Variants in HK1 observed in about 807,000 individuals in gnomAD.
The protein encoded by HK1 is hexokinase-1.
In HK1, 28 loss-of-function variants were observed where a neutral mutation model predicts 91.6. The ratio of observed to expected loss-of-function variants is 0.31; its 90% confidence interval spans 0.23 to 0.42. The LOEUF is 0.42. Ranked by LOEUF, HK1 falls within the 10% of genes least tolerant of loss-of-function variation. The pLI is 1.00. For synonymous variants in HK1, 430 were observed against 468.1 expected (o/e 0.92, Z 1.05); for missense variants, 770 against 1,219.8 (o/e 0.63, Z 5.49).
At chr10:69,299,834 G>A (rs1845764221) in intron 4 of HK1, among the ~76,000 whole-genome samples, 1 of 151,068 alleles carries the variant, frequency 6.6e-6, no homozygotes, top group South Asian at 2.1e-4. Context: ...GTAATTTTTT[G>A]TACTTTTGGT....
chr10:69,325,654 C>T (rs980179223), intron 1 of HK1, among the ~76,000 whole-genome samples: 1 of 151,578 alleles, frequency 6.6e-6, no homozygotes. Context: ...GTGCCCCCCC[C>T]TGCCCCCCAG....
chr10:69,302,805 G>A (rs1362287334), intron 5 of HK1, among the ~76,000 whole-genome samples: 1 of 150,768 alleles, frequency 6.6e-6, no homozygotes, highest in Non-Finnish European at 1.5e-5. Context: ...TGCTTTGTTT[G>A]TTTGTTCTGA....
At chr10:69,301,541 TC>T (rs953452667) in intron 5 of HK1, among the ~76,000 whole-genome samples, 35 of 129,952 alleles carry the variant, frequency 2.7e-4, no homozygotes, top group African/African-American at 1.1e-3. Flanking sequence ...ACCAGTGTAC[TC>T]TAGCCTGGGT....
chr10:69,378,749 C>T (rs1225895736), intron 8 of HK1, among the ~76,000 whole-genome samples: 1 of 152,136 alleles, frequency 6.6e-6, no homozygotes, highest in Non-Finnish European at 1.5e-5. Flanking sequence ...TTTAAAATCT[C>T]TTCTCCCATC....
chr10:69,286,779 C>T (rs1282242293), intron 2 of HK1, among the ~76,000 whole-genome samples: 5 of 152,032 alleles, frequency 3.3e-5, no homozygotes, highest in Non-Finnish European at 7.4e-5. Context: ...AACTCCTGAC[C>T]TCAGGTGATC....
chr10:69,334,867 G>A (rs972266554), intron 1 of HK1, among the ~76,000 whole-genome samples: 19 of 152,224 alleles, frequency 1.2e-4, no homozygotes, highest in African/African-American at 2.4e-5. Flanking sequence ...AGGGGATGCT[G>A]AGGAGAGGAG....
At chr10:69,338,963 G>A (rs1413441901) in intron 1 of HK1, among the ~76,000 whole-genome samples, 1 of 152,130 alleles carries the variant, frequency 6.6e-6, no homozygotes. Flanking sequence ...CTGGGCAGGA[G>A]AGATTTCTCC....
chr10:69,377,169 A>G, intron 8 of HK1, 80 bp downstream of exon 8: 4 of 1,538,592 alleles, frequency 2.6e-6, no homozygotes, highest in Admixed American at 3.4e-5. Flanking sequence ...TCTTGAGTCC[A>G]AGTTTGGTGG....
At chr10:69,346,015 C>T (rs61549103) in intron 2 of HK1, among the ~76,000 whole-genome samples, 6,768 of 152,174 alleles carry the variant, frequency 0.044, 513 homozygotes, top group African/African-American at 0.16. Context: ...CCTACAGCCC[C>T]GCAAAGACAT....
At chr10:69,387,001 G>A (rs980653453) in intron 13 of HK1, among the ~76,000 whole-genome samples, 20 of 152,192 alleles carry the variant, frequency 1.3e-4, no homozygotes, top group South Asian at 8.3e-4. Flanking sequence ...GCCCCTGACA[G>A]GTGGGCACAG....
At chr10:69,304,452 C>T (rs1217974885) in intron 5 of HK1, among the ~76,000 whole-genome samples, 5 of 151,942 alleles carry the variant, frequency 3.3e-5, no homozygotes, top group African/African-American at 9.7e-5. Flanking sequence ...GGATTACTGG[C>T]GCCCGCCACC....
chr10:69,294,357 A>G (rs1174528860), intron 3 of HK1, among the ~76,000 whole-genome samples: 1 of 152,174 alleles, frequency 6.6e-6, no homozygotes, highest in Non-Finnish European at 1.5e-5. Flanking sequence ...TATCATCAGG[A>G]AAAAATTCAT....
intron 1 of HK1, among the ~76,000 whole-genome samples, chr10:69,274,589 C>CA (rs749051012): frequency 0.15 from 16,688 of 110,788 alleles, 1,892 homozygotes; most frequent in African/African-American, 0.37. Context: ...AACTCTGTCT[C>CA]AAAAAAAAAA....
At chr10:69,356,034 C>T (rs751410073) in intron 2 of HK1, among the ~76,000 whole-genome samples, 11 of 152,118 alleles carry the variant, frequency 7.2e-5, no homozygotes, top group Non-Finnish European at 1.5e-4. Flanking sequence ...ACTCTTAGAA[C>T]GAAATACAGG....
chr10:69,333,551 G>A (rs1564519597), intron 1 of HK1, among the ~76,000 whole-genome samples: 5 of 152,122 alleles, frequency 3.3e-5, no homozygotes, highest in African/African-American at 1.2e-4. Context: ...TTACCAGTCA[G>A]GAAGCTCCCT....
intron 1 of HK1, among the ~76,000 whole-genome samples, chr10:69,326,135 C>CTT (rs58690152): frequency 2.9e-5 from 4 of 139,252 alleles, no homozygotes; most frequent in Admixed American, 7.3e-5. Flanking sequence ...CGCCTGGCCG[C>CTT]TTTTTTTTTT....
Position 69,303,950 on chromosome 10 carries a change from A to G in HK1, c.27+3089A>G, listed in dbSNP as rs118044961. On this transcript the variant is annotated intron_variant, in intron 5 of 21. Transcript: ENST00000360289. ...AGAGATGAAATCATAGGGAATTGAA[A>G]CTGTCTTGCACTGAGTCAGTTTCTG... Among the ~76,000 whole-genome samples the G allele has an allele frequency of 8.5e-4, 130 of 152,218 alleles. 3 individuals carry two copies. In the East Asian group the frequency reaches 0.022, roughly 26 times the overall value.
At position 69,393,072 on chromosome 10, in the gene HK1, C is replaced by T. The variant is rs183421803; in HGVS notation, c.2219+764C>T. Reference sequence around the variant, plus strand: ...TCTCGGCTCACCACAACCTCCACCTCCCGGGTTCAAGCAGTTCTCCTGCCT... The same window carrying T: ...TCTCGGCTCACCACAACCTCCACCTTCCGGGTTCAAGCAGTTCTCCTGCCT... On this transcript the variant is annotated intron_variant, in intron 15 of 17. Coordinates refer to ENST00000359426, the MANE Select transcript of HK1 (RefSeq NM_000188.3). Among the ~76,000 whole-genome samples, 484 of 152,318 alleles carry T rather than the reference C, an allele frequency of 3.2e-3. 2 individuals are homozygous for T. Among genetic ancestry groups the T allele is most frequent in the Middle Eastern group, 0.024 (7 of 294 alleles).
chr10:69,400,382 G>A (rs1840331679), intron 17 of HK1, among the ~76,000 whole-genome samples: 1 of 152,222 alleles, frequency 6.6e-6, no homozygotes, highest in South Asian at 2.1e-4. Context: ...TGTAGATTCA[G>A]CCTTTGTTCA....
Sources: gnomAD v4.1 joint callset for allele counts (sites outside exome capture counted in the v4.1 genomes callset) on GRCh38, gnomAD v4.1.1 for gene constraint, MANE v1.5 for transcripts, NCBI Gene and HGNC (gene_info 2026-07-23, HGNC 2026-07-21) for gene names.